DCC: variants seen among roughly 807,000 people sequenced by gnomAD.
DCC encodes DCC netrin 1 receptor.
DCC carries 58 observed loss-of-function variants against 172.5 expected under a neutral mutation model. The observed-to-expected ratio is 0.34, with a 90% CI of 0.27 to 0.42. The LOEUF (loss-of-function observed/expected upper bound fraction) is 0.42, where lower values mean the gene tolerates loss of function less well. Ranked by LOEUF, DCC falls within the 10% of genes least tolerant of loss-of-function variation. DCC has a pLI of 1.00. For missense variants in DCC, 1,740 were observed against 1,791.0 expected (o/e 0.97, Z 0.51); for synonymous variants, 709 against 644.5 (o/e 1.10, Z -1.52).
intron 7 of DCC, among the ~76,000 whole-genome samples, chr18:53,124,906 G>T (rs1165380167): frequency 1.3e-5 from 2 of 151,732 alleles, no homozygotes; most frequent in African/African-American, 2.4e-5. Context: ...GGAGGTGGAG[G>T]TTGCAGTGAG....
intron 1 of DCC, among the ~76,000 whole-genome samples, chr18:52,374,604 C>T (rs1374111191): frequency 6.6e-6 from 1 of 152,082 alleles, no homozygotes; most frequent in Non-Finnish European, 1.5e-5. Flanking sequence ...CAACATTAGA[C>T]TGGCTGGAAT....
intron 5 of DCC, among the ~76,000 whole-genome samples, chr18:53,057,721 T>G (rs1454130300): frequency 6.6e-6 from 1 of 152,090 alleles, no homozygotes; most frequent in Non-Finnish European, 1.5e-5. Context: ...AACTTAAAAA[T>G]TCATGGTACT....
At chr18:53,043,569 A>G (rs1264761435) in intron 5 of DCC, among the ~76,000 whole-genome samples, 2 of 151,914 alleles carry the variant, frequency 1.3e-5, no homozygotes, top group African/African-American at 2.4e-5. Context: ...GCAAACCACC[A>G]TAAGCAATTA....
At chr18:52,572,981 T>C (rs938554187) in intron 1 of DCC, among the ~76,000 whole-genome samples, 2 of 152,208 alleles carry the variant, frequency 1.3e-5, no homozygotes, top group African/African-American at 2.4e-5. Flanking sequence ...GTTTAGTGTC[T>C]ACTGCCAGAA....
At chr18:52,840,183 C>A (rs1338898404) in intron 2 of DCC, among the ~76,000 whole-genome samples, 4 of 152,132 alleles carry the variant, frequency 2.6e-5, no homozygotes, top group Non-Finnish European at 5.9e-5. Context: ...CATTTCATTG[C>A]CCAACTGTTC....
rs538762985 is a variant in DCC, at chr18:53,290,842, C to T, written c.1912-14736C>T. On this transcript the variant is annotated intron_variant, in intron 12 of 28. Transcript: ENST00000442544. ...TCAAACACTATGACTTATTTTATGA[C>T]AATAATTTTAAAAGTTCTGGTTTAT... Among the ~76,000 whole-genome samples, 9 of 152,156 alleles carry T rather than the reference C, an allele frequency of 5.9e-5. No individual in the cohort carries two copies. The South Asian group carries it at 1.9e-3, about 32-fold the overall frequency.
chr18:53,194,183 G>C (rs142271812), intron 9 of DCC, among the ~76,000 whole-genome samples: 9 of 152,232 alleles, frequency 5.9e-5, no homozygotes, highest in African/African-American at 1.9e-4. Flanking sequence ...ATACAATCTT[G>C]AGATATATAC....
At chr18:53,499,542 CTTA>C in intron 27 of DCC, 32 bp downstream of exon 27, 1 of 1,556,042 alleles carries the variant, frequency 6.4e-7, no homozygotes, top group Non-Finnish European at 8.9e-7. Context: ...CTTTAAAATT[CTTA>C]TTATTATTGG....
intron 7 of DCC, among the ~76,000 whole-genome samples, chr18:53,126,083 T>C (rs971170533): frequency 6.6e-6 from 1 of 152,038 alleles, no homozygotes; most frequent in African/African-American, 2.4e-5. Flanking sequence ...TAAAGAGACA[T>C]GAGAGAAATT....
At chr18:52,997,760 C>T (rs1233407222) in intron 5 of DCC, among the ~76,000 whole-genome samples, 1 of 152,094 alleles carries the variant, frequency 6.6e-6, no homozygotes, top group Non-Finnish European at 1.5e-5. Context: ...TGCCTCATAG[C>T]TAGATTTTGT....
chr18:53,119,317 C>A (rs1460586072), intron 7 of DCC, among the ~76,000 whole-genome samples: 1 of 151,800 alleles, frequency 6.6e-6, no homozygotes, highest in East Asian at 1.9e-4. Flanking sequence ...ATTTATCTCA[C>A]CTCTCACCAC....
chr18:53,017,641 G>A (rs1358683205), intron 5 of DCC, among the ~76,000 whole-genome samples: 1 of 152,110 alleles, frequency 6.6e-6, no homozygotes, highest in African/African-American at 2.4e-5. Flanking sequence ...AAGTTATGGG[G>A]AAATGATAAA....
intron 12 of DCC, among the ~76,000 whole-genome samples, chr18:53,286,041 C>G (rs1246050202): frequency 6.6e-6 from 1 of 152,198 alleles, no homozygotes; most frequent in Non-Finnish European, 1.5e-5. Context: ...TTTGATTTTA[C>G]AGGCTTACAG....
intron 7 of DCC, among the ~76,000 whole-genome samples, chr18:53,100,585 T>C (rs1222910929): frequency 6.7e-6 from 1 of 148,520 alleles, no homozygotes; most frequent in Non-Finnish European, 1.5e-5. Flanking sequence ...AAAAGAAAGA[T>C]AGAAGAAGCA....
chr18:52,743,846 T>C (rs2036865125), intron 1 of DCC, among the ~76,000 whole-genome samples: 1 of 152,182 alleles, frequency 6.6e-6, no homozygotes, highest in Non-Finnish European at 1.5e-5. Context: ...AAAAGAAGAA[T>C]CAGGGTATCA....
rs760159681 is a variant in DCC, at chr18:53,215,606, G to C, written c.1911+9G>C. ...AAGTGGTCAATTCAAGAGTAAGTTG[G>C]CTAAATGTTCACTACTCCATTACCT... On this transcript the variant is annotated intron_variant, in intron 12 of 28. Transcript: ENST00000442544. 9.9e-6 allele frequency: 16 copies of C among 1,610,654 alleles called. No homozygotes were observed. The highest frequency in any genetic ancestry group is 1.3e-5 in the African/African-American group (1 of 74,806).
rs201351095 is a variant in DCC, at chr18:53,376,052, CTCTA to C, written c.2360-9985_2360-9982del. 7.4e-4 allele frequency among the ~76,000 whole-genome samples: 112 copies of C among 152,184 alleles called. 1 individual carries two copies. The East Asian group carries it at 0.015, about 20-fold the overall frequency. ...TCTAAAATAGGGATGATCATTCCTA[CTCTA>C]TCTATTTTCTAACGTTGTTGAGATA... On this transcript the variant is annotated intron_variant, in intron 15 of 28. Coordinates refer to ENST00000442544, the MANE Select transcript of DCC (RefSeq NM_005215.4).
At chr18:53,261,774 C>G (rs2056606725) in intron 12 of DCC, among the ~76,000 whole-genome samples, 1 of 152,152 alleles carries the variant, frequency 6.6e-6, no homozygotes, top group Non-Finnish European at 1.5e-5. Flanking sequence ...GCTGGGATTA[C>G]AAGCGTGAGC....
At chr18:53,363,020 A>C (rs2057964627) in intron 15 of DCC, among the ~76,000 whole-genome samples, 1 of 152,124 alleles carries the variant, frequency 6.6e-6, no homozygotes, top group Admixed American at 6.6e-5. Context: ...GTTCTGATTG[A>C]CGCCATCTTA....
Sources: allele counts gnomAD v4.1 joint callset (sites outside exome capture counted in the v4.1 genomes callset), GRCh38; gene constraint gnomAD v4.1.1; transcripts MANE v1.5; gene names NCBI Gene and HGNC (gene_info 2026-07-23, HGNC 2026-07-21).